Variants in CLASP2 observed in about 807,000 individuals in gnomAD.
The protein encoded by CLASP2 is CLIP-associating protein 2.
Under a neutral mutation model 194.4 loss-of-function variants are expected in CLASP2, and 47 were observed. The ratio of observed to expected loss-of-function variants is 0.24; its 90% CI spans 0.19 to 0.31. CLASP2 has a LOEUF of 0.31. CLASP2 is among the 10% of genes least tolerant of loss of function. The pLI is 1.00. For synonymous variants in CLASP2, 619 were observed against 633.5 expected (o/e 0.98, Z 0.34); for missense variants, 1,445 against 1,823.6 (o/e 0.79, Z 3.78).
intron 1 of CLASP2, among the ~76,000 whole-genome samples, chr3:33,708,399 A>ACAGG (rs1487952630): frequency 1.3e-5 from 2 of 150,514 alleles, no homozygotes; most frequent in African/African-American, 4.9e-5. Flanking sequence ...TGTTGTCACA[A>ACAGG]ATGGCAGGAT....
chr3:33,510,992 T>A (rs2049572477), intron 36 of CLASP2, among the ~76,000 whole-genome samples: 1 of 151,934 alleles, frequency 6.6e-6, no homozygotes, highest in Non-Finnish European at 1.5e-5. Flanking sequence ...ATTACACTAT[T>A]CTCCCTTCTT....
intron 9 of CLASP2, among the ~76,000 whole-genome samples, chr3:33,629,429 G>A (rs897570497): frequency 6.6e-6 from 1 of 152,164 alleles, no homozygotes; most frequent in African/African-American, 2.4e-5. Flanking sequence ...CAGCAGAGAA[G>A]AATGTAACAG....
At chr3:33,673,930 C>A (rs1437963998) in intron 6 of CLASP2, among the ~76,000 whole-genome samples, 1 of 152,092 alleles carries the variant, frequency 6.6e-6, no homozygotes, top group Admixed American at 6.5e-5. Flanking sequence ...CAGGAGCACC[C>A]AGATTCATAA....
At chr3:33,683,554 G>C (rs2090151943) in intron 6 of CLASP2, 1 of 152,042 alleles carries the variant, frequency 6.6e-6, no homozygotes, top group African/African-American at 2.4e-5. Flanking sequence ...GTTGCAGTAA[G>C]CCGAGATCGT....
chr3:33,517,125 C>T lies in CLASP2; in HGVS notation c.3837G>A (p.Leu1279=). The T allele has an allele frequency of 6.2e-7, 1 of 1,613,520 alleles. No individual in the cohort carries two copies. Among genetic ancestry groups the T allele is most frequent in the Non-Finnish European group, 8.5e-7 (1 of 1,179,742 alleles). Residue 1279 remains leucine (L), a synonymous_variant, in exon 35 of 39, where the codon CTG becomes CTA. Transcript: ENST00000682230. ...CTTCTACACGCTCATTATGGTTAGA[C>T]AGCTCCTTCAACAACTCTGCAACTA... ...SDLVAELLKE[L]SNHNERVEER... is the part of the protein sequence containing the mutation.
intron 23 of CLASP2, among the ~76,000 whole-genome samples, chr3:33,580,782 G>A (rs1004898045): frequency 1.3e-5 from 2 of 152,016 alleles, no homozygotes; most frequent in African/African-American, 4.8e-5. Context: ...TTGGGGGGCC[G>A]AGGCGGGCGG....
At chr3:33,658,275 AG>A (rs1344458453) in intron 7 of CLASP2, among the ~76,000 whole-genome samples, 1 of 152,184 alleles carries the variant, frequency 6.6e-6, no homozygotes, top group Non-Finnish European at 1.5e-5. Flanking sequence ...AACACTTCAC[AG>A]AGTTGTTCAC....
chr3:33,640,519 T>A (rs2081082553), intron 8 of CLASP2, among the ~76,000 whole-genome samples: 1 of 152,088 alleles, frequency 6.6e-6, no homozygotes, highest in Non-Finnish European at 1.5e-5. Context: ...GAAAATACAC[T>A]GTCCACTTGA....
intron 31 of CLASP2, among the ~76,000 whole-genome samples, 171 bp from the exon 32 acceptor site, chr3:33,543,710 C>G (rs2058728362): frequency 6.6e-6 from 1 of 152,146 alleles, no homozygotes; most frequent in Non-Finnish European, 1.5e-5. Flanking sequence ...GAAAATTTCT[C>G]CCTACTTAGG....
chr3:33,522,784 A>G (rs1299519975), intron 34 of CLASP2, among the ~76,000 whole-genome samples: 1 of 152,238 alleles, frequency 6.6e-6, no homozygotes, highest in Non-Finnish European at 1.5e-5. Flanking sequence ...AAAAAATCCA[A>G]TAGTGGCCGG....
At chr3:33,516,269 A>C in intron 35 of CLASP2, 118 bp from the exon 36 acceptor site, 11 of 806,890 alleles carry the variant, frequency 1.4e-5, no homozygotes, top group Non-Finnish European at 2.1e-5. Context: ...TAACTGCATA[A>C]AGTATGCGGT....
intron 7 of CLASP2, among the ~76,000 whole-genome samples, chr3:33,651,501 A>G (rs1294269322): frequency 6.6e-6 from 1 of 152,136 alleles, no homozygotes. Flanking sequence ...TAATTTTCTA[A>G]AATCTAATAC....
intron 21 of CLASP2, among the ~76,000 whole-genome samples, chr3:33,587,809 C>A (rs1005822779): frequency 5.3e-5 from 8 of 152,152 alleles, no homozygotes; most frequent in Non-Finnish European, 5.9e-5. Context: ...CAACATGCCA[C>A]AACTCACAAT....
intron 1 of CLASP2, among the ~76,000 whole-genome samples, chr3:33,705,276 A>G (rs569190988): frequency 7.1e-4 from 108 of 152,330 alleles, no homozygotes; most frequent in African/African-American, 2.2e-3. Context: ...TCATAGTTCA[A>G]TGAAGCTAGT....
intron 20 of CLASP2, among the ~76,000 whole-genome samples, chr3:33,594,514 AT>A (rs2069695730): frequency 6.6e-6 from 1 of 152,044 alleles, no homozygotes; most frequent in South Asian, 2.1e-4. Context: ...TAGAAGACAT[AT>A]TTAAAAGCAG....
chr3:33,506,134 G>A (rs2048104370), intron 37 of CLASP2, among the ~76,000 whole-genome samples: 1 of 151,896 alleles, frequency 6.6e-6, no homozygotes, highest in South Asian at 2.1e-4. Context: ...CAGCACTTTG[G>A]GAGGCCGAGG....
intron 12 of CLASP2, among the ~76,000 whole-genome samples, chr3:33,613,488 T>C (rs1461273783): frequency 6.6e-6 from 1 of 152,236 alleles, no homozygotes; most frequent in Non-Finnish European, 1.5e-5. Flanking sequence ...CTCCTAGCAT[T>C]GGGGAAACAA....
At chr3:33,578,605 C>T (rs1384876264) in intron 23 of CLASP2, among the ~76,000 whole-genome samples, 1 of 151,982 alleles carries the variant, frequency 6.6e-6, no homozygotes, top group Non-Finnish European at 1.5e-5. Context: ...TTTAGTTAGC[C>T]CCGAAAGGTG....
intron 12 of CLASP2, among the ~76,000 whole-genome samples, chr3:33,613,878 C>G (rs2075647423): frequency 6.6e-6 from 1 of 152,186 alleles, no homozygotes; most frequent in African/African-American, 2.4e-5. Flanking sequence ...ATGACAGTGG[C>G]AAGGATGGAG....
Sources: gnomAD v4.1 joint callset for allele counts (sites outside exome capture counted in the v4.1 genomes callset) on GRCh38, gnomAD v4.1.1 for gene constraint, MANE v1.5 for transcripts, NCBI Gene and HGNC (gene_info 2026-07-23, HGNC 2026-07-21) for gene names.